Variants in TENM2 observed in about 807,000 individuals in gnomAD.
The protein encoded by TENM2 is teneurin transmembrane protein 2, also known as teneurin-2.
TENM2 carries 52 observed loss-of-function variants against 245.2 expected under a neutral mutation model. The observed-to-expected ratio is 0.21, with a 90% confidence interval of 0.17 to 0.27. The LOEUF (loss-of-function observed/expected upper bound fraction) is 0.27, where lower values mean the gene tolerates loss of function less well. TENM2 is among the 10% of genes least tolerant of loss of function. TENM2 has a pLI of 1.00. For missense variants in TENM2, 3,046 were observed against 3,666.8 expected (o/e 0.83, Z 4.37); for synonymous variants, 1,363 against 1,438.9 (o/e 0.95, Z 1.19).
At chr5:167,991,527 A>G (rs1783664678) in intron 4 of TENM2, among the ~76,000 whole-genome samples, 2 of 152,212 alleles carry the variant, frequency 1.3e-5, no homozygotes, top group African/African-American at 4.8e-5. Context: ...AGTGGCATGT[A>G]TAAGAAAGAA....
At chr5:167,229,022 A>G in the TENM2 span, among the ~76,000 whole-genome samples, 1 of 152,114 alleles carries the variant, frequency 6.6e-6, no homozygotes, top group Non-Finnish European at 1.5e-5. Context: ...ATTTGATTCC[A>G]TAAGGGAGTT....
At chr5:167,993,135 C>G in exon 5 of TENM2, 2 of 1,614,046 alleles carry the variant, frequency 1.2e-6, no homozygotes, top group Non-Finnish European at 1.7e-6. Flanking sequence ...GCCCTCTCCG[C>G]CATTGCCGCG....
intron 5 of TENM2, among the ~76,000 whole-genome samples, chr5:168,039,014 A>G (rs182932124): frequency 6.6e-6 from 1 of 152,192 alleles, no homozygotes; most frequent in Admixed American, 6.5e-5. Context: ...GCCTGCAGCC[A>G]CTGAGGGGAG....
At chr5:167,251,082 A>T in the TENM2 span, among the ~76,000 whole-genome samples, 1 of 152,092 alleles carries the variant, frequency 6.6e-6, no homozygotes, top group Non-Finnish European at 1.5e-5. Context: ...TAAATCCCTG[A>T]AAAGAAAAAA....
At chr5:167,566,256 A>C (rs1057482283) in intron 2 of TENM2, among the ~76,000 whole-genome samples, 2 of 152,182 alleles carry the variant, frequency 1.3e-5, no homozygotes, top group Non-Finnish European at 2.9e-5. Flanking sequence ...GTTTAAATGC[A>C]GAATTTCTTT....
At chr5:167,974,001 A>AAAGGAGGG (rs1554163701) in intron 4 of TENM2, among the ~76,000 whole-genome samples, 1 of 95,524 alleles carries the variant, frequency 1.0e-5, no homozygotes, top group Non-Finnish European at 1.9e-5. Context: ...GGAAGGGAGA[A>AAAGGAGGG]AGGGAGGGAG....
chr5:167,911,419 C>T (rs1207068406), intron 3 of TENM2, among the ~76,000 whole-genome samples: 1 of 152,104 alleles, frequency 6.6e-6, no homozygotes, highest in Non-Finnish European at 1.5e-5. Flanking sequence ...CCCAGCTACT[C>T]GGGAGGCTGA....
At chr5:167,401,249 T>C (rs1460700805) in intron 2 of TENM2, among the ~76,000 whole-genome samples, 5 of 152,164 alleles carry the variant, frequency 3.3e-5, no homozygotes, top group African/African-American at 1.2e-4. Flanking sequence ...TGTCCCATGC[T>C]GTACATATGT....
intron 2 of TENM2, among the ~76,000 whole-genome samples, chr5:167,678,763 G>A (rs1399000570): frequency 6.6e-6 from 1 of 152,022 alleles, no homozygotes; most frequent in Non-Finnish European, 1.5e-5. Context: ...AATTTTCTTG[G>A]CTGACTTTGT....
rs866040724 is a variant in TENM2 at position 167,909,074 on chromosome 5, T to C, written c.712+32879T>C. On this transcript the variant is annotated intron_variant, in intron 3 of 28. Coordinates refer to ENST00000518659, the Ensembl canonical transcript of TENM2. Reference sequence around the variant, plus strand: ...TTCGTTTTCTTTTCTCTCTCTTTTTTTTTTTTTTTTAGTAAAAATTGAACC... The same window carrying C: ...TTCGTTTTCTTTTCTCTCTCTTTTTCTTTTTTTTTTAGTAAAAATTGAACC... Among the ~76,000 whole-genome samples, 141 of 151,982 alleles carry C rather than the reference T, an allele frequency of 9.3e-4. 1 individual carries two copies. In the South Asian group the frequency reaches 0.014, roughly 15 times the overall value.
At chr5:168,076,525 G>A (rs1254235169) in intron 7 of TENM2, among the ~76,000 whole-genome samples, 3 of 152,010 alleles carry the variant, frequency 2.0e-5, no homozygotes, top group Non-Finnish European at 4.4e-5. Context: ...CACCTGGCTG[G>A]TTTGCTTTAT....
chr5:167,452,931 T>TTATATATATATATATATA (rs1554157697), intron 2 of TENM2, among the ~76,000 whole-genome samples: 6 of 4,882 alleles, frequency 1.2e-3, no homozygotes, highest in South Asian at 0.015. Flanking sequence ...AAAGTATGAT[T>TTATATATATATATATATA]TATATATATA....
intron 2 of TENM2, among the ~76,000 whole-genome samples, chr5:167,676,061 A>G (rs1363416666): frequency 6.6e-6 from 1 of 152,080 alleles, no homozygotes; most frequent in Non-Finnish European, 1.5e-5. Flanking sequence ...GAGCCATATT[A>G]TCTAAGCCCT....
intron 13 of TENM2, among the ~76,000 whole-genome samples, chr5:168,184,430 G>T (rs1343562607): frequency 6.6e-6 from 1 of 152,222 alleles, no homozygotes; most frequent in East Asian, 1.9e-4. Context: ...AAAAGTAAAT[G>T]TAGGTGTTCT....
chr5:167,631,862 G>C (rs1381267483), intron 2 of TENM2, among the ~76,000 whole-genome samples: 2 of 152,060 alleles, frequency 1.3e-5, no homozygotes, highest in African/African-American at 4.8e-5. Flanking sequence ...TCATAGCCCA[G>C]ATTGTGGATT....
At chr5:167,699,267 T>C (rs2150433430) in intron 2 of TENM2, among the ~76,000 whole-genome samples, 1 of 152,088 alleles carries the variant, frequency 6.6e-6, no homozygotes, top group South Asian at 2.1e-4. Context: ...GAATGCTGCG[T>C]TAAGTAGTAT....
chr5:168,028,584 T>C, intron 5 of TENM2, among the ~76,000 whole-genome samples: 1 of 152,198 alleles, frequency 6.6e-6, no homozygotes, highest in Non-Finnish European at 1.5e-5. Context: ...GATGCCCAGT[T>C]AAATTTGAGT....
chr5:167,243,063 A>G, the TENM2 span, among the ~76,000 whole-genome samples: 2 of 152,102 alleles, frequency 1.3e-5, no homozygotes, highest in Non-Finnish European at 2.9e-5. Flanking sequence ...AGAGTAGGAA[A>G]AGATGGGTGT....
At chr5:167,092,344 GA>G in the TENM2 span, among the ~76,000 whole-genome samples, 1 of 134,040 alleles carries the variant, frequency 7.5e-6, no homozygotes, top group Non-Finnish European at 1.8e-5. Flanking sequence ...GAGACAGACT[GA>G]CTGGGCCACA....
Sources: gnomAD v4.1 joint callset for allele counts (sites outside exome capture counted in the v4.1 genomes callset) on GRCh38, gnomAD v4.1.1 for gene constraint, MANE v1.5 for transcripts, NCBI Gene and HGNC (gene_info 2026-07-23, HGNC 2026-07-21) for gene names.